Variants in TEX36 observed in about 807,000 individuals in gnomAD.
The protein encoded by TEX36 is testis expressed 36.
In TEX36, 12 loss-of-function variants were observed where a neutral mutation model predicts 13.6. The observed-to-expected ratio is 0.88, with a 90% CI of 0.56 to 1.43. The LOEUF (loss-of-function observed/expected upper bound fraction) is 1.43, where lower values mean the gene tolerates loss of function less well. Ranked by LOEUF, TEX36 falls within the 40% of genes most tolerant of loss-of-function variation. The probability of loss-of-function intolerance (pLI) is 0.00; values close to 1 mark genes in which losing one functional copy is unlikely to be tolerated. For synonymous variants in TEX36, 93 were observed against 83.0 expected (o/e 1.12, Z -0.65); for missense variants, 224 against 228.3 (o/e 0.98, Z 0.12).
At chr10:125,679,892 C>T (rs1344571987) in intron 1 of TEX36, among the ~76,000 whole-genome samples, 2 of 152,164 alleles carry the variant, frequency 1.3e-5, no homozygotes, top group African/African-American at 2.4e-5. Context: ...TCTCTGCTTC[C>T]TGTCGCACTC....
At chr10:125,580,491 G>A (rs1403773880) in intron 3 of TEX36, among the ~76,000 whole-genome samples, 1 of 152,178 alleles carries the variant, frequency 6.6e-6, no homozygotes, top group African/African-American at 2.4e-5. Context: ...CTGTCCCAGT[G>A]CCTGGAGGGG....
Position 125,683,048 on chromosome 10 carries a change from C to T in TEX36, c.-59G>A. 2.0e-6 allele frequency: 3 copies of T among 1,538,110 alleles called. No individual in the cohort carries two copies. The highest frequency in any genetic ancestry group is 2.6e-6 in the Non-Finnish European group (3 of 1,134,634). On this transcript the variant is annotated 5_prime_UTR_variant, in exon 1 of 4. An upstream start codon of the reference 5' UTR is lost. Transcript: ENST00000368821. ...CTCCCTCACCTCTCCATAAGCTCTA[C>T]ATGTCTGGGAAGCTGCTTCCTAAAC...
intron 3 of TEX36, among the ~76,000 whole-genome samples, chr10:125,610,382 G>A (rs1565173699): frequency 6.6e-6 from 1 of 152,140 alleles, no homozygotes; most frequent in Non-Finnish European, 1.5e-5. Flanking sequence ...TGGGGGTTCT[G>A]TATATCCTGC....
intron 1 of TEX36, among the ~76,000 whole-genome samples, chr10:125,673,246 G>A (rs1404917315): frequency 6.6e-6 from 1 of 152,088 alleles, no homozygotes; most frequent in Non-Finnish European, 1.5e-5. Context: ...TCAGTGGCTG[G>A]TAATGGTTTT....
At chr10:125,652,673 A>G (rs1213806526), downstream of TEX36, among the ~76,000 whole-genome samples, 1 of 152,240 alleles carries the variant, frequency 6.6e-6, no homozygotes, top group African/African-American at 2.4e-5. Context: ...GCACAACAAA[A>G]GAAACTACCA....
At chr10:125,588,993 C>T (rs1010288521) in intron 3 of TEX36, among the ~76,000 whole-genome samples, 24 of 152,282 alleles carry the variant, frequency 1.6e-4, no homozygotes, top group Admixed American at 3.3e-4. Flanking sequence ...ATGAGGGGTC[C>T]GCCCCGTGAT....
chr10:125,586,805 A>G (rs570460982), intron 3 of TEX36, among the ~76,000 whole-genome samples: 1 of 152,024 alleles, frequency 6.6e-6, no homozygotes, highest in African/African-American at 2.4e-5. Flanking sequence ...AAAAGAAGAA[A>G]AAAAAAAGAT....
At chr10:125,586,746 G>A (rs375889861) in intron 3 of TEX36, among the ~76,000 whole-genome samples, 36 of 151,340 alleles carry the variant, frequency 2.4e-4, no homozygotes, top group African/African-American at 8.5e-4. Flanking sequence ...GGCAGAGGTC[G>A]CAGCACTGCA....
At chr10:125,600,436 G>A (rs1846131500) in intron 3 of TEX36, among the ~76,000 whole-genome samples, 1 of 152,122 alleles carries the variant, frequency 6.6e-6, no homozygotes, top group African/African-American at 2.4e-5. Context: ...CACCATATCT[G>A]TGAGATCCCT....
intron 1 of TEX36, among the ~76,000 whole-genome samples, chr10:125,664,095 T>G (rs1172773278): frequency 6.6e-6 from 1 of 152,240 alleles, no homozygotes; most frequent in Non-Finnish European, 1.5e-5. Context: ...ATGTGAAAAG[T>G]TTGCCTTTCT....
chr10:125,642,958 T>C (rs1846711769), intron 3 of TEX36, among the ~76,000 whole-genome samples: 1 of 152,180 alleles, frequency 6.6e-6, no homozygotes, highest in Non-Finnish European at 1.5e-5. Flanking sequence ...AGGATCAAAT[T>C]GGGCACAGGT....
At chr10:125,585,689 C>G (rs1470297287) in intron 3 of TEX36, among the ~76,000 whole-genome samples, 5 of 152,206 alleles carry the variant, frequency 3.3e-5, no homozygotes, top group African/African-American at 1.2e-4. Flanking sequence ...GGTTCCCCCA[C>G]AAAACTCACC....
chr10:125,629,524 T>C (rs1419382935), intron 3 of TEX36, among the ~76,000 whole-genome samples: 1 of 152,206 alleles, frequency 6.6e-6, no homozygotes, highest in African/African-American at 2.4e-5. Context: ...ATAAATGAGA[T>C]TGAGTAAATA....
At chr10:125,650,150 A>G (rs1361987523) in intron 3 of TEX36, among the ~76,000 whole-genome samples, 1 of 152,232 alleles carries the variant, frequency 6.6e-6, no homozygotes, top group Non-Finnish European at 1.5e-5. Flanking sequence ...AGCAGACCTA[A>G]TAGACATCTA....
chr10:125,677,039 C>T (rs1245259447), intron 1 of TEX36, among the ~76,000 whole-genome samples: 1 of 152,156 alleles, frequency 6.6e-6, no homozygotes, highest in African/African-American at 2.4e-5. Flanking sequence ...TGTCTTATGA[C>T]CTGTAAGGTT....
chr10:125,676,550 T>G (rs1847315445), intron 1 of TEX36, among the ~76,000 whole-genome samples: 1 of 152,202 alleles, frequency 6.6e-6, no homozygotes, highest in African/African-American at 2.4e-5. Flanking sequence ...TTGGATCTTT[T>G]TTTTTTTAAA....
At chr10:125,681,253 G>A (rs1343069635) in intron 1 of TEX36, among the ~76,000 whole-genome samples, 1 of 152,216 alleles carries the variant, frequency 6.6e-6, no homozygotes, top group African/African-American at 2.4e-5. Flanking sequence ...ACTCCCTTGA[G>A]CAGCTGTACT....
chr10:125,659,003 T>A (rs904343939), intron 3 of TEX36, among the ~76,000 whole-genome samples: 1 of 152,124 alleles, frequency 6.6e-6, no homozygotes, highest in African/African-American at 2.4e-5. Flanking sequence ...TGTTATACCG[T>A]ACATTTGAAA....
chr10:125,651,307 T>C (rs1276353414), downstream of TEX36, among the ~76,000 whole-genome samples: 1 of 152,204 alleles, frequency 6.6e-6, no homozygotes, highest in African/African-American at 2.4e-5. Flanking sequence ...CATGATCAAG[T>C]TGGCTTCATC....
Sources: gnomAD v4.1 joint callset for allele counts (sites outside exome capture counted in the v4.1 genomes callset) on GRCh38, gnomAD v4.1.1 for gene constraint, MANE v1.5 for transcripts, NCBI Gene and HGNC (gene_info 2026-07-23, HGNC 2026-07-21) for gene names.